Variants in ADK observed in about 807,000 individuals in gnomAD.
ADK encodes the protein adenosine kinase.
ADK carries 24 observed loss-of-function variants against 44.7 expected under a neutral mutation model. The observed-to-expected ratio is 0.54, with a 90% CI of 0.39 to 0.76. The LOEUF (loss-of-function observed/expected upper bound fraction) is 0.76. Among genes scored for constraint, ADK ranks in the 30% least tolerant of loss-of-function variants. The pLI is 0.00. For missense variants in ADK, 321 were observed against 425.1 expected, an observed-to-expected ratio of 0.76 and a Z score of 2.15; for synonymous variants, 128 against 142.6, an observed-to-expected ratio of 0.90 and a Z score of 0.73.
At chr10:74,163,188 G>A (rs1283533425) in intron 1 of ADK, among the ~76,000 whole-genome samples, 2 of 152,030 alleles carry the variant, frequency 1.3e-5, no homozygotes, top group African/African-American at 2.4e-5. Flanking sequence ...GGATGTTCTC[G>A]ATCTCCTGAC....
chr10:74,417,411 C>T (rs1014329204), intron 6 of ADK, among the ~76,000 whole-genome samples: 4 of 152,000 alleles, frequency 2.6e-5, no homozygotes, highest in Admixed American at 6.5e-5. Context: ...TTTTAAGGTA[C>T]ACTGTAGTGT....
chr10:74,295,462 CAA>C (rs34464248), intron 3 of ADK, among the ~76,000 whole-genome samples: 37 of 146,630 alleles, frequency 2.5e-4, no homozygotes, highest in South Asian at 8.8e-4. Context: ...GACTCTGTCT[CAA>C]AAAAAAAAAA....
At chr10:74,598,266 A>G (rs894023251) in intron 8 of ADK, among the ~76,000 whole-genome samples, 3 of 152,102 alleles carry the variant, frequency 2.0e-5, no homozygotes, top group South Asian at 2.1e-4. Flanking sequence ...AAAGTTTTAC[A>G]TACATCTGGG....
At chr10:74,476,212 G>A (rs1483122940) in intron 6 of ADK, among the ~76,000 whole-genome samples, 1 of 152,106 alleles carries the variant, frequency 6.6e-6, no homozygotes, top group Non-Finnish European at 1.5e-5. Context: ...AAAAATTGCT[G>A]GCTGGGTACA....
chr10:74,396,255 C>T (rs1344846489), intron 5 of ADK, among the ~76,000 whole-genome samples: 1 of 152,042 alleles, frequency 6.6e-6, no homozygotes, highest in African/African-American at 2.4e-5. Context: ...AGAAATTGGC[C>T]GGGTGTGGTG....
At chr10:74,363,423 TG>T (rs1842402078) in intron 4 of ADK, among the ~76,000 whole-genome samples, 1 of 152,092 alleles carries the variant, frequency 6.6e-6, no homozygotes, top group Non-Finnish European at 1.5e-5. Context: ...TGCACCACCC[TG>T]GGATCTGCTG....
chr10:74,417,843 G>A (rs929200713), intron 6 of ADK, among the ~76,000 whole-genome samples: 16 of 151,594 alleles, frequency 1.1e-4, no homozygotes, highest in Non-Finnish European at 2.4e-4. Flanking sequence ...TTCAAAAATA[G>A]TGATAAGCAT....
chr10:74,351,536 C>G (rs1841963944), intron 4 of ADK, among the ~76,000 whole-genome samples: 1 of 152,140 alleles, frequency 6.6e-6, no homozygotes, highest in African/African-American at 2.4e-5. Flanking sequence ...CTCACCACTC[C>G]TATTCAACAT....
intron 3 of ADK, among the ~76,000 whole-genome samples, chr10:74,280,644 G>A (rs1039488320): frequency 9.9e-5 from 15 of 152,064 alleles, no homozygotes; most frequent in Non-Finnish European, 2.1e-4. Context: ...AATGCTTTTG[G>A]GGCTATGGCA....
chr10:74,171,759 T>C lies in ADK; in HGVS notation c.65+20416T>C, dbSNP rs543936493. On this transcript the variant is annotated intron_variant, in intron 1 of 10. Coordinates refer to ENST00000539909, the MANE Select transcript of ADK (RefSeq NM_006721.4). Reference sequence around the variant, plus strand: ...AAAATTGATCAAAAGTAGTAGTTACTCAGTACTCTCTCTCTCAGCGCTCAC... The same window carrying C: ...AAAATTGATCAAAAGTAGTAGTTACCCAGTACTCTCTCTCTCAGCGCTCAC... Among the ~76,000 whole-genome samples, 3 of 152,172 alleles carry C rather than the reference T, an allele frequency of 2.0e-5. No individual in the cohort carries two copies. The East Asian group carries it at 5.8e-4, about 29-fold the overall frequency.
chr10:74,334,204 G>A (rs571114003), intron 4 of ADK, among the ~76,000 whole-genome samples: 1 of 152,138 alleles, frequency 6.6e-6, no homozygotes, highest in South Asian at 2.1e-4. Flanking sequence ...CTCTGTTTTT[G>A]TTGACAGAGA....
intron 3 of ADK, among the ~76,000 whole-genome samples, chr10:74,307,906 T>A (rs2132544186): frequency 6.6e-6 from 1 of 152,324 alleles, no homozygotes; most frequent in South Asian, 2.1e-4. Flanking sequence ...AGATTACTCA[T>A]CTAATTTTGA....
At chr10:74,470,706 G>T (rs1022711072) in intron 6 of ADK, among the ~76,000 whole-genome samples, 9 of 151,896 alleles carry the variant, frequency 5.9e-5, no homozygotes, top group Non-Finnish European at 1.3e-4. Context: ...TGGATATATG[G>T]TTTGTAACTA....
At chr10:74,349,158 C>T (rs1841875461) in intron 4 of ADK, among the ~76,000 whole-genome samples, 1 of 152,106 alleles carries the variant, frequency 6.6e-6, no homozygotes, top group Non-Finnish European at 1.5e-5. Context: ...TAAGGGCAGC[C>T]ATAGAGAAAG....
chr10:74,703,991 T>C (rs1382698666), intron 10 of ADK, among the ~76,000 whole-genome samples: 2 of 152,182 alleles, frequency 1.3e-5, no homozygotes, highest in Admixed American at 1.3e-4. Context: ...GGAATCCTTT[T>C]CAAATAAAAT....
At chr10:74,249,771 C>T (rs1209983934) in intron 3 of ADK, among the ~76,000 whole-genome samples, 1 of 152,110 alleles carries the variant, frequency 6.6e-6, no homozygotes, top group Admixed American at 6.6e-5. Flanking sequence ...AAAGGGTTTT[C>T]CCGTTATCCT....
At chr10:74,220,159 T>C (rs1476494042) in intron 2 of ADK, among the ~76,000 whole-genome samples, 1 of 151,872 alleles carries the variant, frequency 6.6e-6, no homozygotes, top group Non-Finnish European at 1.5e-5. Flanking sequence ...AAGAATCAAA[T>C]AGACGCAATA....
chr10:74,164,353 T>C (rs980513009), intron 1 of ADK, among the ~76,000 whole-genome samples: 9 of 152,026 alleles, frequency 5.9e-5, no homozygotes, highest in African/African-American at 2.2e-4. Context: ...CTGGCCAACA[T>C]GTTGAAACCC....
intron 3 of ADK, among the ~76,000 whole-genome samples, chr10:74,230,303 C>A (rs1396539658): frequency 6.6e-6 from 1 of 151,340 alleles, no homozygotes; most frequent in Non-Finnish European, 1.5e-5. Flanking sequence ...AGAAATGAAC[C>A]CTTGAACCAA....
Sources: gnomAD v4.1 joint callset for allele counts (sites outside exome capture counted in the v4.1 genomes callset) on GRCh38, gnomAD v4.1.1 for gene constraint, MANE v1.5 for transcripts, NCBI Gene and HGNC (gene_info 2026-07-23, HGNC 2026-07-21) for gene names.